The following SAMD13 variants were observed in gnomAD, a reference collection of about 807,000 sequenced individuals.
The protein encoded by SAMD13 is sterile alpha motif domain containing 13, also known as sterile alpha motif domain-containing protein 13.
A neutral mutation model predicts 12.4 loss-of-function variants in SAMD13; 9 were observed. The observed-to-expected ratio is 0.72, with a 90% CI of 0.44 to 1.26. The LOEUF (loss-of-function observed/expected upper bound fraction) is 1.26, where lower values mean the gene tolerates loss of function less well. SAMD13 is among the 50% of genes most tolerant of loss of function. SAMD13 has a pLI of 0.00. For missense variants in SAMD13, 84 were observed against 119.6 expected (o/e 0.70, Z 1.39); for synonymous variants, 46 against 45.4 (o/e 1.01, Z -0.05).
At chr1:84,300,325 T>C (rs905995472), upstream of SAMD13, among the ~76,000 whole-genome samples, 45 of 152,226 alleles carry the variant, frequency 3.0e-4, 1 homozygote, top group Non-Finnish European at 4.1e-4. Flanking sequence ...GGCAAATATT[T>C]GAAATCTTTC....
At chr1:84,314,996 CTCTT>C (rs1043129839) in intron 2 of SAMD13, among the ~76,000 whole-genome samples, 1 of 141,592 alleles carries the variant, frequency 7.1e-6, no homozygotes, top group African/African-American at 2.6e-5. Context: ...CTCCCTCTCT[CTCTT>C]TCTCTCCTTC....
chr1:84,348,203 C>T (rs1008597675), intron 3 of SAMD13, among the ~76,000 whole-genome samples: 3 of 152,092 alleles, frequency 2.0e-5, no homozygotes, highest in South Asian at 2.1e-4. Context: ...TCAGAAACCC[C>T]GCCAAGGAGG....
chr1:84,321,690 G>A (rs998516901), intron 2 of SAMD13, among the ~76,000 whole-genome samples: 1 of 152,184 alleles, frequency 6.6e-6, no homozygotes, highest in African/African-American at 2.4e-5. Context: ...CAAAATATCA[G>A]TCCTTGGGGA....
chr1:84,336,903 G>A (rs1274935973), intron 3 of SAMD13, among the ~76,000 whole-genome samples: 1 of 152,110 alleles, frequency 6.6e-6, no homozygotes, highest in Non-Finnish European at 1.5e-5. Flanking sequence ...ATTCCAAATG[G>A]GAGAAATTGG....
intron 3 of SAMD13, among the ~76,000 whole-genome samples, chr1:84,337,084 G>C (rs1387399642): frequency 6.6e-6 from 1 of 152,182 alleles, no homozygotes; most frequent in East Asian, 1.9e-4. Context: ...GGCTATGCAG[G>C]GTACAGCCTC....
Position 84,349,659 on chromosome 1 carries a change from TGAC to T in SAMD13, c.195_197del (p.Met65_Thr66delinsIle). On this transcript the variant is annotated inframe_deletion, in exon 4 of 4. Coordinates refer to ENST00000394834, the MANE Select transcript of SAMD13 (RefSeq NM_001134663.2). ...ATTGATGGAAAATCCCTGCTATTGA[TGAC>T]AAGAAATGATGTGTTGACAGGACTT... 6.2e-7 allele frequency: 1 copy of T among 1,613,686 alleles called. No homozygotes were observed. The highest frequency in any genetic ancestry group is 8.5e-7 in the Non-Finnish European group (1 of 1,179,752).
intron 2 of SAMD13, among the ~76,000 whole-genome samples, chr1:84,312,796 T>C (rs1253068769): frequency 1.3e-5 from 2 of 152,202 alleles, no homozygotes; most frequent in African/African-American, 2.4e-5. Context: ...ATTTAAAACT[T>C]AGTTCCTCAA....
At chr1:84,323,248 G>T (rs1048059026) in intron 2 of SAMD13, among the ~76,000 whole-genome samples, 1 of 152,182 alleles carries the variant, frequency 6.6e-6, no homozygotes, top group South Asian at 2.1e-4. Flanking sequence ...CTCAGTGCCA[G>T]TTGCTGATTG....
At chr1:84,313,835 T>G (rs1001295048) in intron 2 of SAMD13, among the ~76,000 whole-genome samples, 8 of 152,186 alleles carry the variant, frequency 5.3e-5, no homozygotes, top group Admixed American at 5.2e-4. Flanking sequence ...TAAAAAAAAT[T>G]TTGGAACTAA....
chr1:84,343,292 G>A (rs559959726), intron 3 of SAMD13, among the ~76,000 whole-genome samples: 1 of 152,330 alleles, frequency 6.6e-6, no homozygotes, highest in Admixed American at 6.5e-5. Flanking sequence ...GGAAGACAGT[G>A]TGGCAATTCC....
chr1:84,302,308 G>A lies in SAMD13; in HGVS notation c.-33+507G>A, dbSNP rs181557625. Among the ~76,000 whole-genome samples, 531 of 149,796 alleles carry A rather than the reference G, an allele frequency of 3.5e-3. 2 individuals are homozygous for A. Among genetic ancestry groups the A allele is most frequent in the Admixed American group, 4.7e-3 (70 of 15,050 alleles). ...TTAATTTATGGCTTCAGCTGAATAA[G>A]AGCAAACACGTTTCGGGACTGTTTC... On this transcript the variant is annotated intron_variant, in intron 1 of 3. Transcript: ENST00000394834.
intron 3 of SAMD13, among the ~76,000 whole-genome samples, chr1:84,327,856 A>G (rs2101806703): frequency 6.6e-6 from 1 of 152,286 alleles, no homozygotes; most frequent in Middle Eastern, 3.4e-3. Flanking sequence ...TTTATGTTTG[A>G]AAAACTTTTA....
chr1:84,309,649 A>T (rs1219346548), intron 2 of SAMD13, among the ~76,000 whole-genome samples: 3 of 152,194 alleles, frequency 2.0e-5, no homozygotes, highest in Non-Finnish European at 2.9e-5. Context: ...GAAATGGAAG[A>T]GTAAGTGAAC....
At chr1:84,301,559 A>C, upstream of SAMD13, 3 of 973,514 alleles carry the variant, frequency 3.1e-6, no homozygotes, top group Non-Finnish European at 3.7e-6. Flanking sequence ...GGTAGTTAGC[A>C]AAAGTGAACA....
intron 2 of SAMD13, among the ~76,000 whole-genome samples, chr1:84,313,140 T>G (rs1678751360): frequency 6.6e-6 from 1 of 152,128 alleles, no homozygotes; most frequent in African/African-American, 2.4e-5. Context: ...ACTCTATGTA[T>G]CCACATGTAT....
chr1:84,346,763 AT>A (rs950532794), intron 3 of SAMD13, among the ~76,000 whole-genome samples: 2 of 152,176 alleles, frequency 1.3e-5, no homozygotes, highest in African/African-American at 4.8e-5. Context: ...AGCTTTCTTA[AT>A]CAAGGAACTT....
At chr1:84,346,952 G>A (rs935091793) in intron 3 of SAMD13, among the ~76,000 whole-genome samples, 7 of 152,148 alleles carry the variant, frequency 4.6e-5, no homozygotes, top group Non-Finnish European at 7.4e-5. Context: ...CATTTCTTTC[G>A]AAGCCTATCC....
upstream of SAMD13, among the ~76,000 whole-genome samples, chr1:84,300,900 A>G (rs993637780): frequency 2.0e-5 from 3 of 152,200 alleles, no homozygotes; most frequent in Non-Finnish European, 4.4e-5. Context: ...TGTAACTAAT[A>G]TAGTACCGGG....
chr1:84,344,596 C>T, intron 3 of SAMD13: 1 of 291,920 alleles, frequency 3.4e-6, no homozygotes, highest in South Asian at 3.4e-5. Flanking sequence ...TTGAATAGTT[C>T]ACCATCTTCC....
Sources: gnomAD v4.1 joint callset for allele counts (sites outside exome capture counted in the v4.1 genomes callset) on GRCh38, gnomAD v4.1.1 for gene constraint, MANE v1.5 for transcripts, NCBI Gene and HGNC (gene_info 2026-07-23, HGNC 2026-07-21) for gene names.